Variants in HSD17B12 observed in about 807,000 individuals in gnomAD.
HSD17B12 encodes hydroxysteroid 17-beta dehydrogenase 12, also known as very-long-chain 3-oxoacyl-CoA reductase.
HSD17B12 carries 32 observed loss-of-function variants against 39.3 expected under a neutral mutation model. The observed-to-expected ratio is 0.81, with a 90% CI of 0.61 to 1.09. HSD17B12 has a LOEUF of 1.09. HSD17B12 is among the 50% of genes least tolerant of loss of function. HSD17B12 has a pLI of 0.00. For missense variants in HSD17B12, 342 were observed against 382.9 expected, an observed-to-expected ratio of 0.89 and a Z score of 0.89; for synonymous variants, 150 against 146.7, an observed-to-expected ratio of 1.02 and a Z score of -0.16.
At chr11:43,575,254 G>A in the HSD17B12 span, among the ~76,000 whole-genome samples, 2 of 152,256 alleles carry the variant, frequency 1.3e-5, no homozygotes, top group Admixed American at 6.5e-5. The surrounding 1 kb of genome is among the most constrained non-coding windows in gnomAD (Gnocchi z 4.1). Flanking sequence ...CAGGCAGGAT[G>A]CGTGGGCGCA....
chr11:43,598,813 A>G, the HSD17B12 span, among the ~76,000 whole-genome samples: 1 of 152,198 alleles, frequency 6.6e-6, no homozygotes, highest in Non-Finnish European at 1.5e-5. Flanking sequence ...AGGATGAGAC[A>G]GGATCACCAG....
intron 1 of HSD17B12, among the ~76,000 whole-genome samples, chr11:43,742,263 G>A (rs941602288): frequency 1.3e-5 from 2 of 151,084 alleles, no homozygotes; most frequent in African/African-American, 4.9e-5. Context: ...TCAGCTTCCC[G>A]AGTAGGTGGG....
chr11:43,788,737 T>C (rs1338800039), intron 3 of HSD17B12, among the ~76,000 whole-genome samples: 1 of 149,176 alleles, frequency 6.7e-6, no homozygotes, highest in Non-Finnish European at 1.5e-5. Context: ...CTTCCCAGTT[T>C]AATAACCTCT....
At chr11:43,651,079 C>A in the HSD17B12 span, among the ~76,000 whole-genome samples, 1 of 152,016 alleles carries the variant, frequency 6.6e-6, no homozygotes, top group Non-Finnish European at 1.5e-5. Context: ...ATCTACCATG[C>A]ATAATGTTTG....
intron 4 of HSD17B12, among the ~76,000 whole-genome samples, chr11:43,810,414 T>C (rs1343718536): frequency 6.9e-6 from 1 of 145,402 alleles, no homozygotes; most frequent in Non-Finnish European, 1.5e-5. Flanking sequence ...AAATTCAGAA[T>C]TATTCCGTGG....
At chr11:43,736,050 A>G (rs1260851440) in intron 1 of HSD17B12, among the ~76,000 whole-genome samples, 1 of 152,212 alleles carries the variant, frequency 6.6e-6, no homozygotes, top group Non-Finnish European at 1.5e-5. Context: ...GATCACACTG[A>G]GGCATAAAGA....
chr11:43,768,579 A>C (rs1321448022), intron 3 of HSD17B12, among the ~76,000 whole-genome samples: 2 of 152,092 alleles, frequency 1.3e-5, no homozygotes, highest in African/African-American at 4.8e-5. Flanking sequence ...GTTCCTCCAG[A>C]TGGGTCCAGA....
chr11:43,816,474 A>T (rs1369571746), intron 6 of HSD17B12, 83 bp downstream of exon 6: 12 of 1,209,324 alleles, frequency 9.9e-6, no homozygotes, highest in Non-Finnish European at 1.2e-5. Context: ...TGTTCACCTG[A>T]GTCTACTCTT....
chr11:43,678,772 C>G (rs1361389958), upstream of HSD17B12, among the ~76,000 whole-genome samples: 1 of 152,200 alleles, frequency 6.6e-6, no homozygotes, highest in African/African-American at 2.4e-5. Context: ...TCTGAGGGCT[C>G]TGTTCTGTTC....
chr11:43,624,472 A>T, the HSD17B12 span, among the ~76,000 whole-genome samples: 1 of 151,864 alleles, frequency 6.6e-6, no homozygotes, highest in Non-Finnish European at 1.5e-5. Flanking sequence ...TGTAAACTGG[A>T]TGTTATTCCT....
intron 1 of HSD17B12, among the ~76,000 whole-genome samples, chr11:43,746,829 A>G (rs560060960): frequency 1.3e-5 from 2 of 152,352 alleles, no homozygotes; most frequent in East Asian, 1.9e-4. Context: ...TGACAGCTAC[A>G]GTGTCACTAG....
chr11:43,583,355 G>C, the HSD17B12 span, among the ~76,000 whole-genome samples: 1 of 152,176 alleles, frequency 6.6e-6, no homozygotes. Flanking sequence ...GCCTCGCCTC[G>C]CCTCGCCTCA....
the HSD17B12 span, among the ~76,000 whole-genome samples, chr11:43,615,327 A>T: frequency 6.6e-6 from 1 of 152,128 alleles, no homozygotes; most frequent in East Asian, 1.9e-4. Flanking sequence ...TAATTTCTGG[A>T]ACCTCACAGT....
chr11:43,590,186 A>G, the HSD17B12 span, among the ~76,000 whole-genome samples: 12 of 152,070 alleles, frequency 7.9e-5, no homozygotes, highest in Non-Finnish European at 1.8e-4. Flanking sequence ...GAATTTCACA[A>G]GTGTCCCAAT....
chr11:43,568,141 G>A, the HSD17B12 span, among the ~76,000 whole-genome samples: 1 of 151,722 alleles, frequency 6.6e-6, no homozygotes, highest in Non-Finnish European at 1.5e-5. Flanking sequence ...TCTGTTGCCC[G>A]GGACGGAGTG....
At chr11:43,653,501 T>C in the HSD17B12 span, among the ~76,000 whole-genome samples, 1 of 152,120 alleles carries the variant, frequency 6.6e-6, no homozygotes, top group East Asian at 1.9e-4. Flanking sequence ...GCTGCACCCA[T>C]TAACTTGTCA....
intron 4 of HSD17B12, among the ~76,000 whole-genome samples, chr11:43,806,721 T>C (rs1458527294): frequency 6.6e-6 from 1 of 152,164 alleles, no homozygotes; most frequent in Admixed American, 6.5e-5. Context: ...AGAGGTTTAT[T>C]AATGGGTACA....
intron 3 of HSD17B12, among the ~76,000 whole-genome samples, chr11:43,796,161 G>A (rs142122549): frequency 0.01 from 1,546 of 152,268 alleles, 12 homozygotes; most frequent in Middle Eastern, 0.024. Flanking sequence ...AACTCACACC[G>A]TTTATTAGGC....
At chr11:43,709,388 A>G (rs1222163076) in intron 1 of HSD17B12, among the ~76,000 whole-genome samples, 1 of 152,236 alleles carries the variant, frequency 6.6e-6, no homozygotes, top group Non-Finnish European at 1.5e-5. Flanking sequence ...GGCCTCCCAA[A>G]GTGTTGGGAT....
Sources: allele counts gnomAD v4.1 joint callset (sites outside exome capture counted in the v4.1 genomes callset), GRCh38; gene constraint gnomAD v4.1.1; non-coding constraint Gnocchi (gnomAD v3.1); transcripts MANE v1.5; gene names NCBI Gene and HGNC (gene_info 2026-07-23, HGNC 2026-07-21).